KRT76: variants seen among roughly 807,000 people sequenced by gnomAD.
KRT76 encodes keratin 76.
In KRT76, 47 loss-of-function variants were observed where a neutral mutation model predicts 44.9. The observed-to-expected ratio is 1.05, with a 90% CI of 0.83 to 1.33. KRT76 has a LOEUF of 1.33. Among genes scored for constraint, KRT76 ranks in the 40% most tolerant of loss-of-function variants. KRT76 has a pLI of 0.00. For synonymous variants in KRT76, 331 were observed against 294.1 expected, an observed-to-expected ratio of 1.13 and a Z score of -1.28; for missense variants, 860 against 775.8, an observed-to-expected ratio of 1.11 and a Z score of -1.29.
intron 3 of KRT76, 77 bp downstream of exon 3, chr12:52,773,505 A>G: frequency 9.8e-7 from 1 of 1,021,026 alleles, no homozygotes. Flanking sequence ...GTGCCCCAGA[A>G]CAGCTGGCTG....
chr12:52,775,958 T>G (rs1939255206), intron 1 of KRT76, among the ~76,000 whole-genome samples: 1 of 150,552 alleles, frequency 6.6e-6, no homozygotes, highest in African/African-American at 2.5e-5. Context: ...AGGACTGTCC[T>G]GGGTCTATAG....
At chr12:52,769,997 G>C (rs1401611090) in intron 7 of KRT76, among the ~76,000 whole-genome samples, 1 of 152,182 alleles carries the variant, frequency 6.6e-6, no homozygotes, top group Admixed American at 6.5e-5. Context: ...CTCCTGGGGT[G>C]GTGGTGACAT....
chr12:52,771,747 G>A (rs1477068933), intron 6 of KRT76, 124 bp downstream of exon 6: 1 of 1,236,718 alleles, frequency 8.1e-7, no homozygotes, highest in Non-Finnish European at 1.1e-6. Context: ...CCCAGACACT[G>A]CGCTATCCCA....
chr12:52,772,115 A>C lies in KRT76; in HGVS notation c.1116T>G (p.Ala372=). The change falls in exon 5 of 9, where the codon GCT becomes GCG. Residue 372 remains alanine (A), a synonymous_variant. Coordinates refer to ENST00000332411, the MANE Select transcript of KRT76 (RefSeq NM_015848.4). ...CCACCTTGGTCTGGTACAGGGCCTC[A>C]GCTTCAGACTTGCTCCTCTGGGCAA... The part of the protein sequence containing the change: ...EEIAQRSKSE[A]EALYQTKLGE... 1 of 1,611,802 alleles carries C rather than the reference A, an allele frequency of 6.2e-7. No homozygotes were observed. The highest frequency in any genetic ancestry group is 8.5e-7 in the Non-Finnish European group (1 of 1,178,686).
Position 52,768,941 on chromosome 12 carries a change from G to C in KRT76, c.1689C>G (p.Ser563Arg), listed in dbSNP as rs776434825. ...GGSGSGYGGV[S>R]SGSTGGRGSS... is the part of the protein sequence containing the mutation. ...TACCCCTGCCCCCAGTGCTGCCACT[G>C]CTGACCCCTCCATAGCCACTGCCGC... is the stretch of plus-strand genomic sequence containing the variant. Residue 563 changes from serine to arginine, a missense_variant, in exon 9 of 9, where the codon AGC becomes AGG. Coordinates refer to ENST00000332411, the MANE Select transcript of KRT76 (RefSeq NM_015848.4). 13 of 1,488,606 alleles carry C rather than the reference G, an allele frequency of 8.7e-6. No homozygotes were observed. In the African/African-American group the frequency reaches 1.8e-4, roughly 21 times the overall value. The allele number at this position is 1,488,606 out of a possible 1,614,324, so 92.2% of individuals were successfully genotyped here.
chr12:52,770,842 C>T (rs1322309057), intron 7 of KRT76, among the ~76,000 whole-genome samples, 157 bp downstream of exon 7: 2 of 152,188 alleles, frequency 1.3e-5, no homozygotes, highest in African/African-American at 4.8e-5. Flanking sequence ...TCTTGATGGA[C>T]ATAAAATAGT....
At chr12:52,772,683 T>C (rs1209153572) in intron 4 of KRT76, 100 bp downstream of exon 4, 2 of 839,408 alleles carry the variant, frequency 2.4e-6, no homozygotes, top group African/African-American at 3.3e-5. Flanking sequence ...TGAGCCCCAT[T>C]GCTGGTTTTG....
intron 7 of KRT76, among the ~76,000 whole-genome samples, chr12:52,769,815 T>C (rs1939151956): frequency 6.6e-6 from 1 of 152,222 alleles, no homozygotes; most frequent in Admixed American, 6.5e-5. Context: ...AGAGATTATC[T>C]TCTCTAGGCA....
Position 52,768,614 on chromosome 12 carries a change from G to T in KRT76, c.*99C>A. The T allele has an allele frequency of 7.4e-7, 1 of 1,356,582 alleles. No individual in the cohort carries two copies. Among genetic ancestry groups the T allele is most frequent in the Non-Finnish European group, 1.0e-6 (1 of 994,248 alleles). The allele number at this position is 1,356,582 out of a possible 1,614,324, so 84.0% of individuals were successfully genotyped here. Reference sequence around the variant, plus strand: ...CTCCAGGGAACTTGAGGAAAAATGTGGTTGACCCTTATGCATCTATTGATG... The same window carrying T: ...CTCCAGGGAACTTGAGGAAAAATGTTGTTGACCCTTATGCATCTATTGATG... On this transcript the variant is annotated 3_prime_UTR_variant, in exon 9 of 9. Transcript: ENST00000332411.
rs1199537380 is a variant in KRT76 at position 52,773,593 on chromosome 12, C to T, written c.865G>A (p.Gly289Arg). The change falls in exon 3 of 9, where the codon GGG (glycine) becomes AGG (arginine). Residue 289 changes from glycine (G) to arginine (R), a missense_variant. Gly to Arg is a moderately radical substitution (Grantham distance 125). Transcript: ENST00000332411. ...CCAGGCTCACCTACCTTCTTGAGCC[C>T]CACAAACTCATTCTCTGCGGCAGTG... The part of the protein sequence containing the change: ...KRTAAENEFV[G>R]LKKDVDAAFM... 3 of 1,612,946 alleles carry T rather than the reference C, an allele frequency of 1.9e-6. No homozygotes were observed. The highest frequency in any genetic ancestry group is 1.7e-5 in the Admixed American group (1 of 60,014).
At chr12:52,773,135 A>T (rs964094328) in intron 3 of KRT76, among the ~76,000 whole-genome samples, 6 of 152,204 alleles carry the variant, frequency 3.9e-5, no homozygotes, top group African/African-American at 1.4e-4. Flanking sequence ...GGGTAGAAAA[A>T]TCATATTTAC....
rs997771048 is a variant in KRT76 at position 52,768,334 on chromosome 12, T to C, written c.*379A>G. ...CGTGCACCCTCCAGCACAGAACCCA[T>C]GGCTCTGCCCTCCTCAGACAGTGCT... is the stretch of plus-strand genomic sequence containing the variant. On this transcript the variant is annotated 3_prime_UTR_variant, in exon 9 of 9. Transcript: ENST00000332411. 3.2e-5 allele frequency: 6 copies of C among 187,888 alleles called. No homozygotes were observed. In the East Asian group the frequency reaches 8.2e-4, roughly 26 times the overall value. 11.6% of individuals were successfully genotyped at this position (187,888 alleles called of 1,614,324 possible). A position where few individuals can be genotyped will look rare whatever the true frequency, so the allele number is the denominator to read the frequency against.
At chr12:52,775,280 C>T (rs756458706) in intron 2 of KRT76, 108 bp downstream of exon 2, 8 of 944,388 alleles carry the variant, frequency 8.5e-6, no homozygotes, top group Non-Finnish European at 1.3e-5. Context: ...TAAATCCATC[C>T]CAGAGTATTG....
chr12:52,771,882 C>G lies in KRT76; in HGVS notation c.1252G>C (p.Val418Leu). 1 of 1,613,724 alleles carries G rather than the reference C, an allele frequency of 6.2e-7. No homozygotes were observed. The highest frequency in any genetic ancestry group is 1.6e-4 in the Middle Eastern group (1 of 6,062). The change falls in exon 6 of 9, where the codon GTC becomes CTC. Residue 418 changes from valine (V) to leucine (L), a missense_variant. Transcript: ENST00000332411. ...IQRLRAEIEN[V>L]KKQNANLQTA... is the part of the protein sequence containing the mutation. ...AAACCCAGCCCCACCTGCTTCTTGA[C>G]ATTTTCAATCTCAGCCCGTAGCCTC...
At chr12:52,773,680 T>C in intron 2 of KRT76, 38 bp from the exon 3 acceptor site, 3 of 1,575,588 alleles carry the variant, frequency 1.9e-6, no homozygotes, top group Non-Finnish European at 2.6e-6. Context: ...ACACTGGCAT[T>C]TCAGAAGTAA....
intron 8 of KRT76, among the ~76,000 whole-genome samples, 194 bp downstream of exon 8, chr12:52,769,355 T>C (rs1939143902): frequency 6.6e-6 from 1 of 152,214 alleles, no homozygotes; most frequent in Admixed American, 6.5e-5. Flanking sequence ...AGAGGGGCTT[T>C]AGCTTTGGCC....
rs1381463445 is a variant in KRT76 at position 52,768,706 on chromosome 12, C to T, written c.*7G>A. The T allele has an allele frequency of 3.8e-6, 6 of 1,584,434 alleles. No homozygotes were observed. The Admixed American group carries it at 6.8e-5, about 18-fold the overall frequency. On this transcript the variant is annotated 3_prime_UTR_variant, in exon 9 of 9. Transcript: ENST00000332411. Reference sequence around the variant, plus strand: ...AGCAGGTGGTTATAGAGATTTGGAACAGTAGATCACTTGGTGGAGCTATGC... The same window carrying T: ...AGCAGGTGGTTATAGAGATTTGGAATAGTAGATCACTTGGTGGAGCTATGC...
chr12:52,769,667 C>T (rs538801564), intron 7 of KRT76, 84 bp from the exon 8 acceptor site: 1 of 1,237,908 alleles, frequency 8.1e-7, no homozygotes, highest in African/African-American at 1.5e-5. Context: ...GGGAGCCACG[C>T]CCTCCCATTT....
intron 7 of KRT76, among the ~76,000 whole-genome samples, chr12:52,770,004 A>G (rs890599074): frequency 2.0e-5 from 3 of 152,098 alleles, no homozygotes; most frequent in Non-Finnish European, 2.9e-5. Flanking sequence ...GGTGGTGGTG[A>G]CATGATTGGG....
Sources: allele counts gnomAD v4.1 joint callset (sites outside exome capture counted in the v4.1 genomes callset), GRCh38; gene constraint gnomAD v4.1.1; transcripts MANE v1.5; gene names NCBI Gene and HGNC (gene_info 2026-07-23, HGNC 2026-07-21).